Variants in SRGAP3 observed in about 807,000 individuals in gnomAD.
SRGAP3 encodes SLIT-ROBO Rho GTPase activating protein 3.
Under a neutral mutation model 121.1 loss-of-function variants are expected in SRGAP3, and 39 were observed. That is an observed-to-expected ratio of 0.32 (90% CI 0.25 to 0.42). The LOEUF (loss-of-function observed/expected upper bound fraction) is 0.42, where lower values mean the gene tolerates loss of function less well. SRGAP3 is among the 10% of genes least tolerant of loss of function. The pLI is 1.00. For synonymous variants in SRGAP3, 601 were observed against 570.0 expected (o/e 1.05, Z -0.77); for missense variants, 1,213 against 1,470.6 (o/e 0.82, Z 2.86).
At chr3:9,095,011 C>T (rs1043051017) in intron 3 of SRGAP3, among the ~76,000 whole-genome samples, 6 of 152,142 alleles carry the variant, frequency 3.9e-5, no homozygotes, top group Non-Finnish European at 7.3e-5. Context: ...ATCCTCCCAC[C>T]TCAGCCTCCC....
chr3:9,010,668 G>A (rs191886902), intron 17 of SRGAP3, among the ~76,000 whole-genome samples: 19 of 152,250 alleles, frequency 1.2e-4, no homozygotes, highest in African/African-American at 3.1e-4. Context: ...CAATGCTTAC[G>A]TGTTCTGTAA....
chr3:9,279,973 T>C (rs1954648502), intron 3 of SRGAP3, among the ~76,000 whole-genome samples: 2 of 152,206 alleles, frequency 1.3e-5, no homozygotes, highest in Non-Finnish European at 2.9e-5. Flanking sequence ...GTTAAGCCCA[T>C]AGCCAAAAGA....
At chr3:9,279,837 G>A (rs1264314738) in intron 3 of SRGAP3, among the ~76,000 whole-genome samples, 1 of 152,156 alleles carries the variant, frequency 6.6e-6, no homozygotes, top group African/African-American at 2.4e-5. Context: ...CGTGGCAAAT[G>A]CAGAGGGTGC....
chr3:9,161,621 G>A (rs977240649), intron 1 of SRGAP3, among the ~76,000 whole-genome samples: 3 of 152,294 alleles, frequency 2.0e-5, no homozygotes, highest in East Asian at 1.9e-4. Context: ...GAGGTTTCTC[G>A]GAAACCAGGG....
At chr3:9,356,189 TTTC>T (rs1299758684) in intron 1 of SRGAP3, among the ~76,000 whole-genome samples, 1 of 136,672 alleles carries the variant, frequency 7.3e-6, no homozygotes, top group Non-Finnish European at 1.6e-5. Flanking sequence ...GGGACTTTTT[TTTC>T]TTTTTTTTTT....
chr3:8,984,065 G>C lies in SRGAP3; in HGVS notation c.*1454C>G, dbSNP rs941126801. The C allele has an allele frequency of 4.3e-6, 1 of 231,876 alleles. No homozygotes were observed. Among genetic ancestry groups the C allele is most frequent in the Non-Finnish European group, 8.5e-6 (1 of 117,264 alleles). 14.4% of individuals were successfully genotyped at this position (231,876 alleles called of 1,614,324 possible). A position where few individuals can be genotyped will look rare whatever the true frequency, so the allele number is the denominator to read the frequency against. On this transcript the variant is annotated 3_prime_UTR_variant, in exon 22 of 22. Coordinates refer to ENST00000383836, the MANE Select transcript of SRGAP3 (RefSeq NM_014850.4). Reference sequence around the variant, plus strand: ...GAGGAGGTAAAATGGAATCGAAGGAGAGCGACCCGGAAGGGCTTTACTTGG... The same window carrying C: ...GAGGAGGTAAAATGGAATCGAAGGACAGCGACCCGGAAGGGCTTTACTTGG...
chr3:9,344,148 G>A (rs1038921524), intron 1 of SRGAP3, among the ~76,000 whole-genome samples: 50 of 151,212 alleles, frequency 3.3e-4, no homozygotes, highest in African/African-American at 1.2e-3. Context: ...GGTGAAAGCC[G>A]ATCTCTACTA....
chr3:9,016,155 T>C (rs930712784), intron 14 of SRGAP3, among the ~76,000 whole-genome samples: 2 of 152,182 alleles, frequency 1.3e-5, no homozygotes. Context: ...CCTAAGAAAA[T>C]TAACCATTCA....
chr3:9,347,117 G>C (rs1435432540), intron 1 of SRGAP3, among the ~76,000 whole-genome samples: 2 of 152,124 alleles, frequency 1.3e-5, no homozygotes, highest in Non-Finnish European at 2.9e-5. Flanking sequence ...TTTGAGGAAA[G>C]ATGACAGGGA....
intron 1 of SRGAP3, among the ~76,000 whole-genome samples, chr3:9,170,324 A>C (rs1575179139): frequency 6.6e-6 from 1 of 152,210 alleles, no homozygotes; most frequent in Non-Finnish European, 1.5e-5. Flanking sequence ...ACATTGTCTT[A>C]GTATTTGGCT....
intron 4 of SRGAP3, chr3:9,065,357 A>G (rs976942293): frequency 6.6e-6 from 1 of 152,224 alleles, no homozygotes; most frequent in Non-Finnish European, 1.5e-5. Context: ...TTCTAGTTTG[A>G]CAAACAGGGA....
intron 19 of SRGAP3, 137 bp downstream of exon 19, chr3:8,994,206 A>C: frequency 8.9e-7 from 1 of 1,124,944 alleles, no homozygotes; most frequent in Non-Finnish European, 1.3e-6. Flanking sequence ...GATATTACCC[A>C]TTGTTAGAGA....
chr3:9,234,960 G>A (rs1953354075), intron 1 of SRGAP3, among the ~76,000 whole-genome samples: 1 of 152,160 alleles, frequency 6.6e-6, no homozygotes, highest in Non-Finnish European at 1.5e-5. Context: ...TGTCAGGGAT[G>A]GGAAGGGGGA....
chr3:9,208,719 A>AGG (rs1952346415), intron 1 of SRGAP3, among the ~76,000 whole-genome samples: 1 of 152,142 alleles, frequency 6.6e-6, no homozygotes, highest in Non-Finnish European at 1.5e-5. Context: ...GGGAGGATGG[A>AGG]GGGAGTCCTA....
At chr3:9,251,584 G>T (rs1243989718), upstream of SRGAP3, among the ~76,000 whole-genome samples, 1 of 152,168 alleles carries the variant, frequency 6.6e-6, no homozygotes. Context: ...TTGAGCAAGT[G>T]GCTCAACCTG....
chr3:9,008,672 C>T (rs1471702506), intron 18 of SRGAP3, among the ~76,000 whole-genome samples: 1 of 152,172 alleles, frequency 6.6e-6, no homozygotes, highest in Non-Finnish European at 1.5e-5. Context: ...CAAACAAAGC[C>T]TCTGCAGGAC....
In SRGAP3 at chr3:9,031,390, C is replaced by A. The variant is rs1290834372; in HGVS notation, c.1539+1260G>T. ...CAGTAAACCACTCCCTCTGGGTCAC[C>A]TCCTGATCTTCCTTCCTGATGCATC... On this transcript the variant is annotated intron_variant, in intron 12 of 21. Transcript: ENST00000383836. Among the ~76,000 whole-genome samples the A allele has an allele frequency of 2.6e-5, 4 of 152,182 alleles. No individual in the cohort carries two copies. In the East Asian group the frequency reaches 7.7e-4, roughly 29 times the overall value.
chr3:9,354,596 G>A (rs2030389482), intron 1 of SRGAP3, among the ~76,000 whole-genome samples: 1 of 151,524 alleles, frequency 6.6e-6, no homozygotes, highest in South Asian at 2.1e-4. Context: ...GCAGAAGAAT[G>A]GTGTGAACCC....
At chr3:9,100,117 A>T (rs979801404) in intron 3 of SRGAP3, among the ~76,000 whole-genome samples, 2 of 152,214 alleles carry the variant, frequency 1.3e-5, no homozygotes, top group African/African-American at 4.8e-5. Flanking sequence ...ATGTCAACTT[A>T]ATCTTTCTTA....
Sources: gnomAD v4.1 joint callset for allele counts (sites outside exome capture counted in the v4.1 genomes callset) on GRCh38, gnomAD v4.1.1 for gene constraint, MANE v1.5 for transcripts, NCBI Gene and HGNC (gene_info 2026-07-23, HGNC 2026-07-21) for gene names.